The following TBATA variants were observed in gnomAD, a reference collection of about 807,000 sequenced individuals.
The protein encoded by TBATA is thymus, brain and testes associated.
Under a neutral mutation model 38.7 loss-of-function variants are expected in TBATA, and 47 were observed. The ratio of observed to expected loss-of-function variants is 1.21; its 90% CI spans 0.96 to 1.55. The LOEUF is 1.55. TBATA is among the 40% of genes most tolerant of loss of function. The pLI is 0.00. For missense variants in TBATA, 436 were observed against 435.6 expected (o/e 1.00, Z -0.01); for synonymous variants, 183 against 170.5 (o/e 1.07, Z -0.57).
chr10:70,784,329 G>C (rs1844623509), intron 2 of TBATA, among the ~76,000 whole-genome samples: 1 of 152,148 alleles, frequency 6.6e-6, no homozygotes, highest in Admixed American at 6.5e-5. Flanking sequence ...ATTTGCTTGT[G>C]TTTATTATAT....
chr10:70,777,469 GT>G (rs1843568091), intron 6 of TBATA, 131 bp from the exon 7 acceptor site: 1 of 817,420 alleles, frequency 1.2e-6, no homozygotes, highest in Non-Finnish European at 1.9e-6. Context: ...GCATCACAGC[GT>G]TGCCAGGGTC....
rs143647363 is a variant in TBATA, at chr10:70,779,634, A to T, written c.386T>A (p.Ile129Asn). 1.6e-5 allele frequency: 25 copies of T among 1,527,976 alleles called. No homozygotes were observed. In the South Asian group the frequency reaches 3.1e-4, roughly 19 times the overall value. The allele number at this position is 1,527,976 out of a possible 1,614,324, so 94.7% of individuals were successfully genotyped here. A position where few individuals can be genotyped will look rare whatever the true frequency, so the allele number is the denominator to read the frequency against. The change falls in exon 5 of 11, where the codon ATT (isoleucine) becomes AAT (asparagine). Residue 129 changes from isoleucine to asparagine, a missense_variant. By Grantham distance (149) the Ile-to-Asn change is moderately radical (BLOSUM62 -3). Coordinates refer to ENST00000456372, the MANE Select transcript of TBATA (RefSeq NM_001318241.2). ...QMGIPTISVP[I>N]GDPQSNRNPQ... Reference sequence around the variant, plus strand: ...GTTCCGATTAGACTGTGGGTCTCCAATGGGGACAGAGATGGTGGGTATCCC... The same window carrying T: ...GTTCCGATTAGACTGTGGGTCTCCATTGGGGACAGAGATGGTGGGTATCCC...
At chr10:70,781,356 G>A (rs1191445937) in intron 4 of TBATA, among the ~76,000 whole-genome samples, 1 of 152,202 alleles carries the variant, frequency 6.6e-6, no homozygotes, top group Non-Finnish European at 1.5e-5. Flanking sequence ...CCTCCCCACT[G>A]GAGGTCAGCT....
chr10:70,773,093 T>C (rs1051114914), intron 9 of TBATA, among the ~76,000 whole-genome samples: 19 of 152,302 alleles, frequency 1.2e-4, no homozygotes, highest in Non-Finnish European at 2.4e-4. Context: ...TTGAAGCTGA[T>C]GATCGCAGCT....
At chr10:70,780,697 C>G (rs964700735) in intron 4 of TBATA, among the ~76,000 whole-genome samples, 1 of 152,120 alleles carries the variant, frequency 6.6e-6, no homozygotes, top group Non-Finnish European at 1.5e-5. Context: ...GAAACCAAAC[C>G]CCTGACTCCT....
At chr10:70,782,667 T>C (rs1336112540) in intron 3 of TBATA, 7 of 985,214 alleles carry the variant, frequency 7.1e-6, no homozygotes, top group African/African-American at 3.5e-5. Context: ...TGTTTTGCTT[T>C]GCTGGAGACA....
intron 4 of TBATA, 31 bp from the exon 5 acceptor site, chr10:70,779,773 G>A (rs773178945): frequency 9.9e-6 from 15 of 1,514,064 alleles, no homozygotes; most frequent in Admixed American, 8.0e-5. Flanking sequence ...TGGGAAGGGA[G>A]GCTTAGGTGG....
At chr10:70,782,478 G>A in intron 3 of TBATA, 1 of 1,289,716 alleles carries the variant, frequency 7.8e-7, no homozygotes, top group Non-Finnish European at 1.0e-6. Context: ...GCTATAGGCT[G>A]TCATCCTCCC....
chr10:70,782,294 C>A, intron 3 of TBATA: 2 of 1,490,488 alleles, frequency 1.3e-6, no homozygotes, highest in African/African-American at 1.4e-5. Context: ...ACTCTCCCAG[C>A]ACCCCAGTTT....
Position 70,779,747 on chromosome 10 carries a change from A to G in TBATA, c.278-5T>C, listed in dbSNP as rs1167618623. ...AGACAGGCTTCCCGGTGAGATCTGC[A>G]AAGGGTTAGAGGCTGTGGGAAGGGA... On this transcript the variant is annotated splice_polypyrimidine_tract_variant and splice_region_variant and intron_variant, in intron 4 of 10. Coordinates refer to ENST00000456372, the MANE Select transcript of TBATA (RefSeq NM_001318241.2). The G allele has an allele frequency of 2.0e-6, 3 of 1,536,504 alleles. No individual in the cohort carries two copies. Among genetic ancestry groups the G allele is most frequent in the Non-Finnish European group, 2.6e-6 (3 of 1,150,894 alleles).
At chr10:70,774,576 G>A (rs372885484) in intron 8 of TBATA, among the ~76,000 whole-genome samples, 7 of 152,192 alleles carry the variant, frequency 4.6e-5, no homozygotes, top group Non-Finnish European at 7.4e-5. Context: ...GGATGTGTAC[G>A]CCTTGTTCTT....
Position 70,784,699 on chromosome 10 carries a change from C to T in TBATA, c.-199G>A, listed in dbSNP as rs1218474190. On this transcript the variant is annotated 5_prime_UTR_variant, in exon 2 of 11. Coordinates refer to ENST00000456372, the MANE Select transcript of TBATA (RefSeq NM_001318241.2). ...AGGAAGCTCCAGACATCCTTGATGTCAGGTACTGGGCTCTAGAGTACTGAG... is the reference window on the plus strand; with the variant it reads ...AGGAAGCTCCAGACATCCTTGATGTTAGGTACTGGGCTCTAGAGTACTGAG... The T allele has an allele frequency of 6.6e-6, 1 of 152,142 alleles. No homozygotes were observed. Among genetic ancestry groups the T allele is most frequent in the Non-Finnish European group, 1.5e-5 (1 of 68,044 alleles). 9.4% of individuals were successfully genotyped at this position (152,142 alleles called of 1,614,324 possible).
intron 7 of TBATA, chr10:70,776,453 A>G (rs990513194): frequency 8.8e-6 from 4 of 454,818 alleles, no homozygotes; most frequent in Non-Finnish European, 1.8e-5. Context: ...CCCATGGACT[A>G]TCACTTGGCA....
intron 4 of TBATA, among the ~76,000 whole-genome samples, chr10:70,781,239 C>A (rs1844173904): frequency 1.3e-5 from 2 of 152,200 alleles, no homozygotes; most frequent in African/African-American, 2.4e-5. Flanking sequence ...CTGTGTAGTT[C>A]TTTGCTCAAA....
At chr10:70,777,026 G>T in intron 7 of TBATA, 127 bp downstream of exon 7, 1 of 1,044,454 alleles carries the variant, frequency 9.6e-7, no homozygotes, top group Non-Finnish European at 1.3e-6. Context: ...TGACTCCACA[G>T]GGCTGGAGTT....
At chr10:70,782,614 C>T (rs1844390937) in intron 3 of TBATA, 2 of 985,362 alleles carry the variant, frequency 2.0e-6, no homozygotes, top group Admixed American at 1.2e-4. Context: ...AGAGCTGACG[C>T]AGCAGCTACT....
Position 70,783,409 on chromosome 10 carries a change from T to G in TBATA, c.-30A>C. 6.2e-7 allele frequency: 1 copy of G among 1,613,628 alleles called. No individual in the cohort carries two copies. Among genetic ancestry groups the G allele is most frequent in the Non-Finnish European group, 8.5e-7 (1 of 1,179,536 alleles). ...TGCTTTTTAACAGACTAAAGGCCAG[T>G]GCACTTAATACTAGCGTTGAGGATG... is the stretch of plus-strand genomic sequence containing the variant. On this transcript the variant is annotated 5_prime_UTR_variant, in exon 3 of 11. Transcript: ENST00000456372.
At chr10:70,779,553 T>G in intron 5 of TBATA, 40 bp downstream of exon 5, 1 of 1,444,394 alleles carries the variant, frequency 6.9e-7, no homozygotes, top group Non-Finnish European at 9.1e-7. Flanking sequence ...GGGAGAGGCA[T>G]GAGCCCCAGG....
chr10:70,782,774 G>A (rs905329507), intron 3 of TBATA: 2 of 428,408 alleles, frequency 4.7e-6, no homozygotes, highest in African/African-American at 2.2e-5. Flanking sequence ...CAGCAAAGGT[G>A]GGCCAGTCCC....
Sources: gnomAD v4.1 joint callset for allele counts (sites outside exome capture counted in the v4.1 genomes callset) on GRCh38, gnomAD v4.1.1 for gene constraint, MANE v1.5 for transcripts, NCBI Gene and HGNC (gene_info 2026-07-23, HGNC 2026-07-21) for gene names.